The following KCNU1 variants were observed in gnomAD, a reference collection of about 807,000 sequenced individuals.
KCNU1 encodes the protein potassium channel subfamily U member 1.
In KCNU1, 93 loss-of-function variants were observed where a neutral mutation model predicts 126.8. The ratio of observed to expected loss-of-function variants is 0.73; its 90% CI spans 0.62 to 0.87. The LOEUF (loss-of-function observed/expected upper bound fraction) is 0.87. Ranked by LOEUF, KCNU1 falls within the 40% of genes least tolerant of loss-of-function variation. The pLI is 0.00. For synonymous variants in KCNU1, 523 were observed against 494.2 expected (o/e 1.06, Z -0.77); for missense variants, 1,330 against 1,367.1 (o/e 0.97, Z 0.43).
intron 22 of KCNU1, among the ~76,000 whole-genome samples, chr8:36,916,901 A>G (rs1808133163): frequency 6.6e-6 from 1 of 152,198 alleles, no homozygotes; most frequent in Admixed American, 6.5e-5. Context: ...CTGCATTAAC[A>G]AGAAGTGGCT....
chr8:36,921,327 A>G (rs1394009244), intron 23 of KCNU1, among the ~76,000 whole-genome samples: 1 of 152,118 alleles, frequency 6.6e-6, no homozygotes, highest in African/African-American at 2.4e-5. Flanking sequence ...GTCTTTTAAA[A>G]CAGGCAGTAA....
intron 2 of KCNU1, among the ~76,000 whole-genome samples, chr8:36,803,524 C>T (rs368428362): frequency 6.6e-6 from 1 of 152,110 alleles, no homozygotes; most frequent in Non-Finnish European, 1.5e-5. Flanking sequence ...AGCATTTCCC[C>T]TACTGTGAAA....
At chr8:36,913,658 G>A (rs1404512973) in intron 22 of KCNU1, among the ~76,000 whole-genome samples, 1 of 150,100 alleles carries the variant, frequency 6.7e-6, no homozygotes, top group Non-Finnish European at 1.5e-5. Flanking sequence ...CTGGAGTGCG[G>A]TGGTGCGATC....
rs1428673515 is a variant in KCNU1 at position 36,909,396 on chromosome 8, T to A, written c.2192T>A (p.Leu731His). Residue 731 changes from leucine (L) to histidine (H), a missense_variant, in exon 21 of 27, where the codon CTT (leucine) becomes CAT (histidine). Around this residue, in one of 3 missense-constraint regions of KCNU1, gnomAD observed 1,054 missense variants for 1,053.9 expected, o/e 1.00. Coordinates refer to ENST00000399881, the MANE Select transcript of KCNU1 (RefSeq NM_001031836.3). The stretch of plus-strand genomic sequence containing the variant: ...GATGCCCACTCAGCCCCGATGGGGC[T>A]TCGGAACTTTGTAATGCCCTTGAGA... The part of the protein sequence containing the change: ...FGDAHSAPMG[L>H]RNFVMPLRAS... 1 of 1,613,278 alleles carries A rather than the reference T, an allele frequency of 6.2e-7. No homozygotes were observed. The highest frequency in any genetic ancestry group is 8.5e-7 in the Non-Finnish European group (1 of 1,179,338).
intron 23 of KCNU1, among the ~76,000 whole-genome samples, chr8:36,920,958 A>C (rs1808320997): frequency 6.6e-6 from 1 of 152,188 alleles, no homozygotes; most frequent in South Asian, 2.1e-4. Context: ...AGTCATAGCA[A>C]GCAATGGATT....
At chr8:36,836,672 G>A (rs1804760706) in intron 13 of KCNU1, 121 bp from the exon 14 acceptor site, 13 of 877,026 alleles carry the variant, frequency 1.5e-5, no homozygotes, top group Non-Finnish European at 2.3e-5. Context: ...CCACTTTTGT[G>A]TGCAAAAATG....
At chr8:36,918,779 T>C (rs1808223063) in intron 22 of KCNU1, 44 bp from the exon 23 acceptor site, 1 of 1,139,410 alleles carries the variant, frequency 8.8e-7, no homozygotes, top group Non-Finnish European at 1.3e-6. Context: ...ACAAGTTTTG[T>C]AAGGCATTGT....
chr8:36,882,044 G>A (rs1052524995), intron 19 of KCNU1, among the ~76,000 whole-genome samples: 7 of 152,100 alleles, frequency 4.6e-5, no homozygotes, highest in African/African-American at 1.4e-4. Context: ...TACTAGGAGC[G>A]ATTTGCAGAC....
intron 10 of KCNU1, among the ~76,000 whole-genome samples, chr8:36,825,849 A>G (rs1011616678): frequency 6.6e-6 from 1 of 152,132 alleles, no homozygotes; most frequent in Non-Finnish European, 1.5e-5. Context: ...CTTAAGAACC[A>G]TGAAATTTTA....
chr8:36,799,674 A>G (rs1379647991), intron 2 of KCNU1, among the ~76,000 whole-genome samples: 1 of 149,864 alleles, frequency 6.7e-6, no homozygotes, highest in East Asian at 2.0e-4. Context: ...AGCTGGGACT[A>G]CAGGCACACG....
At chr8:36,812,471 G>T (rs1803759625) in intron 7 of KCNU1, among the ~76,000 whole-genome samples, 1 of 151,440 alleles carries the variant, frequency 6.6e-6, no homozygotes. Flanking sequence ...CTACAGACTA[G>T]AATGTAGATG....
At chr8:36,840,895 G>A (rs767128459) in intron 15 of KCNU1, 37 bp from the exon 16 acceptor site, 71 of 1,443,264 alleles carry the variant, frequency 4.9e-5, no homozygotes, top group East Asian at 6.8e-5. Context: ...TTCACTGACC[G>A]CTTGCTCTCC....
chr8:36,831,998 C>T (rs1172485971), intron 10 of KCNU1, among the ~76,000 whole-genome samples: 3 of 152,218 alleles, frequency 2.0e-5, no homozygotes, highest in Admixed American at 1.3e-4. Flanking sequence ...GTTTTCCCAG[C>T]ACCATTTATT....
At position 36,935,815 on chromosome 8, in the gene KCNU1, T is replaced by C; in HGVS notation, c.3345T>C (p.Ile1115=). ...IAWNQSRTNS[I]ISSQIPLGDN... is the part of the protein sequence containing the mutation. ...GGAATCAGAGTAGAACAAACAGTAT[T>C]ATATCATCTCAGATACCTTTAGGTG... Residue 1115 remains isoleucine (I), a synonymous_variant, in exon 27 of 27, where the codon ATT becomes ATC. Coordinates refer to ENST00000399881, the MANE Select transcript of KCNU1 (RefSeq NM_001031836.3). 1 of 1,613,068 alleles carries C rather than the reference T, an allele frequency of 6.2e-7. No individual in the cohort carries two copies. The highest frequency in any genetic ancestry group is 8.5e-7 in the Non-Finnish European group (1 of 1,179,280).
chr8:36,790,826 A>G (rs1802875947), intron 2 of KCNU1, among the ~76,000 whole-genome samples: 1 of 152,270 alleles, frequency 6.6e-6, no homozygotes, highest in East Asian at 1.9e-4. Flanking sequence ...AGAAAGCATT[A>G]CATTTTCTTT....
intron 16 of KCNU1, among the ~76,000 whole-genome samples, chr8:36,845,316 G>A (rs77461222): frequency 6.6e-6 from 1 of 152,150 alleles, no homozygotes; most frequent in South Asian, 2.1e-4. Context: ...GACAGAATCC[G>A]GGAGAGGCTT....
chr8:36,805,647 A>T (rs1803471678), intron 4 of KCNU1, among the ~76,000 whole-genome samples: 1 of 152,134 alleles, frequency 6.6e-6, no homozygotes, highest in Admixed American at 6.6e-5. Context: ...CCTGCAATAC[A>T]ACTGTGGAAA....
intron 22 of KCNU1, among the ~76,000 whole-genome samples, chr8:36,917,329 A>G (rs1464691654): frequency 1.4e-5 from 2 of 146,276 alleles, no homozygotes; most frequent in Non-Finnish European, 3.0e-5. Flanking sequence ...ATGGCACCCT[A>G]TTTTCCCATT....
At chr8:36,919,031 C>T (rs1808234725) in intron 23 of KCNU1, 134 bp downstream of exon 23, 5 of 646,948 alleles carry the variant, frequency 7.7e-6, no homozygotes, top group Non-Finnish European at 1.4e-5. Flanking sequence ...TAAGTGCTTG[C>T]CCGGATGTTA....
Sources: gnomAD v4.1 joint callset for allele counts (sites outside exome capture counted in the v4.1 genomes callset) on GRCh38, gnomAD v4.1.1 for gene constraint, gnomAD v4.1.1 regional missense constraint, MANE v1.5 for transcripts, NCBI Gene and HGNC (gene_info 2026-07-23, HGNC 2026-07-21) for gene names.